Variants in TMEM132D observed in about 807,000 individuals in gnomAD.
The protein encoded by TMEM132D is transmembrane protein 132D.
Under a neutral mutation model 62.3 loss-of-function variants are expected in TMEM132D, and 21 were observed. The observed-to-expected ratio is 0.34, with a 90% CI of 0.24 to 0.49. TMEM132D has a LOEUF of 0.49. TMEM132D is among the 20% of genes least tolerant of loss of function. The pLI is 0.99. For missense variants in TMEM132D, 1,346 were observed against 1,402.8 expected (o/e 0.96, Z 0.65); for synonymous variants, 621 against 575.6 (o/e 1.08, Z -1.13).
At chr12:129,810,113 C>T (rs1872123124) in intron 1 of TMEM132D, among the ~76,000 whole-genome samples, 1 of 152,172 alleles carries the variant, frequency 6.6e-6, no homozygotes, top group Non-Finnish European at 1.5e-5. Context: ...AACACACAAA[C>T]ATTAAGTTGG....
intron 4 of TMEM132D, among the ~76,000 whole-genome samples, chr12:129,294,345 A>G (rs1490043969): frequency 6.6e-6 from 1 of 152,180 alleles, no homozygotes; most frequent in Admixed American, 6.5e-5. Context: ...GCTTGTAATA[A>G]AATCATCAAT....
chr12:129,516,531 A>G (rs1482433094), intron 3 of TMEM132D, among the ~76,000 whole-genome samples: 4 of 152,216 alleles, frequency 2.6e-5, no homozygotes, highest in Admixed American at 6.5e-5. Flanking sequence ...GCTTCCCCTT[A>G]TAATACCATC....
At chr12:129,542,233 G>GT (rs1876601076) in intron 2 of TMEM132D, among the ~76,000 whole-genome samples, 1 of 152,250 alleles carries the variant, frequency 6.6e-6, no homozygotes, top group South Asian at 2.1e-4. Flanking sequence ...AGTTTTCAGG[G>GT]TTTAGGATAA....
intron 5 of TMEM132D, among the ~76,000 whole-genome samples, chr12:129,160,202 A>G (rs1386640832): frequency 6.6e-6 from 1 of 152,230 alleles, no homozygotes; most frequent in Non-Finnish European, 1.5e-5. Context: ...GGCCTCAACC[A>G]CATCCATTTT....
chr12:129,186,790 A>G (rs941943997), intron 5 of TMEM132D, among the ~76,000 whole-genome samples: 3 of 152,234 alleles, frequency 2.0e-5, no homozygotes, highest in African/African-American at 7.2e-5. Context: ...TCTTTGCTAA[A>G]TGATAATAGC....
rs184094356 is a variant in TMEM132D at position 129,701,566 on chromosome 12, C to T, written c.80-868G>A. Among the ~76,000 whole-genome samples, 282 of 152,318 alleles carry T rather than the reference C, an allele frequency of 1.9e-3. 1 individual carries two copies. The highest frequency in any genetic ancestry group is 7.9e-4 in the Non-Finnish European group (54 of 68,036). On this transcript the variant is annotated intron_variant, in intron 1 of 8. Coordinates refer to ENST00000422113, the MANE Select transcript of TMEM132D (RefSeq NM_133448.3). ...TACGCCGTCACCAACGAACAAAATC[C>T]ATTGTTCATTTTTCCGCACTGAACG...
At chr12:129,158,642 T>A (rs1877312599) in intron 5 of TMEM132D, among the ~76,000 whole-genome samples, 1 of 152,122 alleles carries the variant, frequency 6.6e-6, no homozygotes, top group South Asian at 2.1e-4. Context: ...TCTTCAAGTG[T>A]TGCCAGAGGA....
intron 5 of TMEM132D, among the ~76,000 whole-genome samples, chr12:129,153,620 T>C (rs1877144187): frequency 6.6e-6 from 1 of 152,102 alleles, no homozygotes; most frequent in African/African-American, 2.4e-5. Context: ...AAATATAAAA[T>C]ATTCCACCTC....
intron 4 of TMEM132D, among the ~76,000 whole-genome samples, chr12:129,286,801 A>C (rs1404166370): frequency 1.3e-5 from 2 of 152,092 alleles, no homozygotes. Flanking sequence ...TAATCCCAGC[A>C]TGTCGGGAGG....
At chr12:129,327,678 T>G (rs536130455) in intron 4 of TMEM132D, among the ~76,000 whole-genome samples, 1 of 152,286 alleles carries the variant, frequency 6.6e-6, no homozygotes, top group Non-Finnish European at 1.5e-5. Flanking sequence ...ACCTTCCACT[T>G]ATCTTCACCA....
chr12:129,592,181 T>C (rs1878206776), intron 2 of TMEM132D, among the ~76,000 whole-genome samples: 1 of 151,922 alleles, frequency 6.6e-6, no homozygotes, highest in Non-Finnish European at 1.5e-5. Context: ...CTGCAGAATA[T>C]AATTGTAAGA....
intron 4 of TMEM132D, among the ~76,000 whole-genome samples, chr12:129,220,243 C>T (rs1002238320): frequency 6.6e-6 from 1 of 152,058 alleles, no homozygotes; most frequent in South Asian, 2.1e-4. Context: ...TGCTGCTTGT[C>T]ATGACTAGAA....
At chr12:129,513,839 TATTTA>T (rs1314717062) in intron 3 of TMEM132D, among the ~76,000 whole-genome samples, 4 of 140,878 alleles carry the variant, frequency 2.8e-5, no homozygotes, top group African/African-American at 1.1e-4. Context: ...TTTATTTATT[TATTTA>T]TTTATTTTTT....
At chr12:129,415,045 A>G (rs1156334000) in intron 3 of TMEM132D, among the ~76,000 whole-genome samples, 1 of 152,060 alleles carries the variant, frequency 6.6e-6, no homozygotes, top group Non-Finnish European at 1.5e-5. Flanking sequence ...TGCACACTCC[A>G]TTCCTTTATG....
intron 4 of TMEM132D, among the ~76,000 whole-genome samples, chr12:129,265,039 C>T (rs978936346): frequency 6.6e-6 from 1 of 152,096 alleles, no homozygotes; most frequent in Admixed American, 6.5e-5. Context: ...AACCAAGGAC[C>T]ACCTGTACCC....
Position 129,140,214 on chromosome 12 carries a change from C to CCACACACACACACA in TMEM132D, c.1444-55526_1444-55513dup, listed in dbSNP as rs58179230. On this transcript the variant is annotated intron_variant, in intron 5 of 8. Coordinates refer to ENST00000422113, the MANE Select transcript of TMEM132D (RefSeq NM_133448.3). The stretch of plus-strand genomic sequence containing the variant: ...TCAAGGGAGATTTTAGGCGCTGTTA[C>CCACACACACACACA]CACACACACACACACACACACACAC... 4.8e-4 allele frequency among the ~76,000 whole-genome samples: 72 copies of CCACACACACACACA among 148,658 alleles called. No homozygotes were observed. In the Middle Eastern group the frequency reaches 0.01, roughly 21 times the overall value.
At chr12:129,819,724 G>T (rs992579754) in intron 1 of TMEM132D, among the ~76,000 whole-genome samples, 13 of 152,128 alleles carry the variant, frequency 8.5e-5, no homozygotes, top group Non-Finnish European at 1.8e-4. Context: ...GTTGCTGCTG[G>T]TACTGCTGTT....
chr12:129,334,940 G>T (rs1295431802), intron 4 of TMEM132D, among the ~76,000 whole-genome samples: 1 of 152,050 alleles, frequency 6.6e-6, no homozygotes, highest in East Asian at 1.9e-4. Context: ...ATCAGTGGGT[G>T]CCTACATACT....
chr12:129,360,000 GAA>G (rs543570133), intron 3 of TMEM132D, among the ~76,000 whole-genome samples: 18 of 144,870 alleles, frequency 1.2e-4, no homozygotes, highest in African/African-American at 3.8e-4. Context: ...AAAAAAATGA[GAA>G]AAAAAAAAAA....
Sources: gnomAD v4.1 joint callset for allele counts (sites outside exome capture counted in the v4.1 genomes callset) on GRCh38, gnomAD v4.1.1 for gene constraint, MANE v1.5 for transcripts, NCBI Gene and HGNC (gene_info 2026-07-23, HGNC 2026-07-21) for gene names.